Variants in RAP1GAP observed in about 807,000 individuals in gnomAD.
RAP1GAP encodes the protein RAP1 GTPase activating protein, also known as rap1 GTPase-activating protein 1.
Under a neutral mutation model 87.2 loss-of-function variants are expected in RAP1GAP, and 35 were observed. That is an observed-to-expected ratio of 0.40 (90% confidence interval 0.31 to 0.53). The LOEUF is 0.53. Among genes scored for constraint, RAP1GAP ranks in the 20% least tolerant of loss-of-function variants. The pLI is 0.48. For synonymous variants in RAP1GAP, 375 were observed against 363.9 expected (o/e 1.03, Z -0.35); for missense variants, 734 against 898.9 (o/e 0.82, Z 2.35).
chr1:21,619,371 G>A (rs1216755169), intron 4 of RAP1GAP, among the ~76,000 whole-genome samples: 1 of 151,988 alleles, frequency 6.6e-6, no homozygotes, highest in African/African-American at 2.4e-5. Flanking sequence ...CTGGCGGGTG[G>A]GGGGACTGTT....
chr1:21,628,924 G>C (rs569407606), intron 2 of RAP1GAP, among the ~76,000 whole-genome samples: 1 of 152,022 alleles, frequency 6.6e-6, no homozygotes, highest in South Asian at 2.1e-4. Context: ...GAGGAAGGGA[G>C]GGAGGGTGGC....
intron 18 of RAP1GAP, among the ~76,000 whole-genome samples, chr1:21,605,187 C>T (rs1297513491): frequency 6.6e-6 from 1 of 152,144 alleles, no homozygotes; most frequent in Non-Finnish European, 1.5e-5. Context: ...GTGCCCAGCA[C>T]TCCTGAGTGT....
intron 16 of RAP1GAP, 122 bp from the exon 17 acceptor site, chr1:21,608,472 G>A (rs1217507164): frequency 3.8e-6 from 5 of 1,327,888 alleles, no homozygotes; most frequent in African/African-American, 1.5e-5. Flanking sequence ...GGAGTGGGGA[G>A]GGCGGAGGGC....
At chr1:21,628,684 C>T (rs2093013055) in intron 2 of RAP1GAP, among the ~76,000 whole-genome samples, 1 of 152,160 alleles carries the variant, frequency 6.6e-6, no homozygotes, top group South Asian at 2.1e-4. Context: ...TGCGCCACTG[C>T]ACTCCAGCCT....
rs143714420 is a variant in RAP1GAP at position 21,634,270 on chromosome 1, G to C, written c.-112-7873C>G. On this transcript the variant is annotated intron_variant, in intron 2 of 24. Transcript: ENST00000374765. This position sits in a 1 kb window ranked among gnomAD's most constrained non-coding sequence, Gnocchi z 4.1. ...AAGCAGACAGGCACAGGCACGGGAG[G>C]CTCCTGTGTCCCCTTTCCCTGGGCA... Among the ~76,000 whole-genome samples the C allele has an allele frequency of 5.3e-3, 801 of 152,262 alleles. 2 individuals carry two copies. Among genetic ancestry groups the C allele is most frequent in the Non-Finnish European group, 7.2e-3 (493 of 68,014 alleles).
At chr1:21,598,706 C>T (rs1646790358) in intron 21 of RAP1GAP, among the ~76,000 whole-genome samples, 1 of 152,230 alleles carries the variant, frequency 6.6e-6, no homozygotes, top group Non-Finnish European at 1.5e-5. Context: ...ACACGCCACC[C>T]ACTGCCACTC....
chr1:21,619,076 T>TA lies in RAP1GAP; in HGVS notation c.19-5dup. Reference sequence around the variant, plus strand: ...GTTGTTCATCCATCCTGCTTCCCTGTAAGAGAAGGCAGCACTGTTACACCC... The same window carrying TA: ...GTTGTTCATCCATCCTGCTTCCCTGTAAAGAGAAGGCAGCACTGTTACACCC... On this transcript the variant is annotated splice_polypyrimidine_tract_variant and splice_region_variant and intron_variant, in intron 4 of 24. Coordinates refer to ENST00000374765, the MANE Select transcript of RAP1GAP (RefSeq NM_002885.4). The TA allele has an allele frequency of 6.3e-7, 1 of 1,596,972 alleles. No homozygotes were observed. The highest frequency in any genetic ancestry group is 1.1e-5 in the South Asian group (1 of 88,308).
intron 1 of RAP1GAP, among the ~76,000 whole-genome samples, chr1:21,656,105 T>A (rs1490111096): frequency 6.6e-6 from 1 of 152,166 alleles, no homozygotes; most frequent in East Asian, 1.9e-4. Context: ...TTTGCTCATA[T>A]GTTAAACCCC....
Position 21,608,830 on chromosome 1 carries a change from C to A in RAP1GAP, c.1158+20G>T. ...GGAAGGTGAGAAGAGGGTCACCCAG[C>A]CCTCACAGCCCATCCTCACCTCCAG... On this transcript the variant is annotated intron_variant, in intron 16 of 24. Coordinates refer to ENST00000374765, the MANE Select transcript of RAP1GAP (RefSeq NM_002885.4). 1.9e-6 allele frequency: 3 copies of A among 1,603,500 alleles called. No individual in the cohort carries two copies. Among genetic ancestry groups the A allele is most frequent in the Non-Finnish European group, 1.7e-6 (2 of 1,170,332 alleles).
chr1:21,603,606 C>A lies in RAP1GAP; in HGVS notation c.1429-693G>T. 1.4e-6 allele frequency: 1 copy of A among 703,920 alleles called. No homozygotes were observed. The highest frequency in any genetic ancestry group is 2.0e-5 in the Admixed American group (1 of 50,884). The allele number at this position is 703,920 out of a possible 1,614,324, so 43.6% of individuals were successfully genotyped here. ...GGGACTGGGCCAGGGTCCCAGGGGC[C>A]AAGGCAGGGCCAGAAGCCCCTGGTG... On this transcript the variant is annotated intron_variant, in intron 18 of 24. Transcript: ENST00000374765. This position sits in a 1 kb window ranked among gnomAD's most constrained non-coding sequence, Gnocchi z 6.0.
rs534637271 is a variant in RAP1GAP at position 21,603,731 on chromosome 1, G to A, written c.1429-818C>T. ...TCCCGCACGCCCTGGGGCCTGTCCC[G>A]GGGGCAGAGGGGCAACGTCCCCAAT... On this transcript the variant is annotated intron_variant, in intron 18 of 24. Coordinates refer to ENST00000374765, the MANE Select transcript of RAP1GAP (RefSeq NM_002885.4). The surrounding 1 kb of genome is among the most constrained non-coding windows in gnomAD (Gnocchi z 6.0). 15 of 1,281,220 alleles carry A rather than the reference G, an allele frequency of 1.2e-5. No individual in the cohort carries two copies. Among genetic ancestry groups the A allele is most frequent in the Non-Finnish European group, 1.5e-5 (13 of 882,112 alleles). The allele number at this position is 1,281,220 out of a possible 1,614,324, so 79.4% of individuals were successfully genotyped here.
At chr1:21,651,813 G>A (rs888929241) in intron 1 of RAP1GAP, 2 of 1,298,182 alleles carry the variant, frequency 1.5e-6, no homozygotes, top group Middle Eastern at 2.9e-4. Flanking sequence ...CTGCGCTTCC[G>A]GCCGCTCATG....
At chr1:21,611,198 T>C (rs1032014466) in intron 13 of RAP1GAP, among the ~76,000 whole-genome samples, 1 of 152,216 alleles carries the variant, frequency 6.6e-6, no homozygotes, top group Non-Finnish European at 1.5e-5. Context: ...ACTCTTGCAA[T>C]GTACTAGGCA....
chr1:21,666,222 C>T (rs1373084840), intron 1 of RAP1GAP, among the ~76,000 whole-genome samples: 1 of 152,222 alleles, frequency 6.6e-6, no homozygotes, highest in Admixed American at 6.5e-5. Flanking sequence ...GTGCCAGGGC[C>T]AGCCTGGCAG....
At chr1:21,649,642 A>G in intron 2 of RAP1GAP, 119 bp downstream of exon 2, 1 of 1,211,110 alleles carries the variant, frequency 8.3e-7, no homozygotes, top group Non-Finnish European at 1.2e-6. Context: ...TTGCCCTGAG[A>G]GGATGGTTGG....
intron 1 of RAP1GAP, chr1:21,651,431 C>T (rs767282067): frequency 1.7e-6 from 1 of 573,234 alleles, no homozygotes; most frequent in Non-Finnish European, 3.5e-6. Context: ...CATGCACACA[C>T]ACGCGCGCAC....
intron 6 of RAP1GAP, 85 bp from the exon 7 acceptor site, chr1:21,617,576 G>A (rs1430737475): frequency 5.6e-6 from 8 of 1,429,676 alleles, no homozygotes; most frequent in Middle Eastern, 2.5e-4. Flanking sequence ...ACCTGGAGCC[G>A]CTTCTGTCGT....
At chr1:21,666,725 A>G (rs2097363900) in intron 1 of RAP1GAP, among the ~76,000 whole-genome samples, 1 of 152,188 alleles carries the variant, frequency 6.6e-6, no homozygotes, top group Non-Finnish European at 1.5e-5. Context: ...GTGTGCACCC[A>G]TGATGGCCTG....
chr1:21,632,595 T>C (rs1282646206), intron 2 of RAP1GAP, among the ~76,000 whole-genome samples: 2 of 152,142 alleles, frequency 1.3e-5, no homozygotes, highest in African/African-American at 4.8e-5. Context: ...GAGAGTTCCA[T>C]ACTCTGCAAA....
Sources: allele counts gnomAD v4.1 joint callset (sites outside exome capture counted in the v4.1 genomes callset), GRCh38; gene constraint gnomAD v4.1.1; non-coding constraint Gnocchi (gnomAD v3.1); transcripts MANE v1.5; gene names NCBI Gene and HGNC (gene_info 2026-07-23, HGNC 2026-07-21).